Variants in DCLK2 observed in about 807,000 individuals in gnomAD.
The protein encoded by DCLK2 is doublecortin like kinase 2, also known as serine/threonine-protein kinase DCLK2.
DCLK2 carries 31 observed loss-of-function variants against 78.4 expected under a neutral mutation model. The observed-to-expected ratio is 0.40, with a 90% CI of 0.30 to 0.53. DCLK2 has a LOEUF of 0.53. Among genes scored for constraint, DCLK2 ranks in the 20% least tolerant of loss-of-function variants. The pLI is 0.61. For synonymous variants in DCLK2, 407 were observed against 374.9 expected, an observed-to-expected ratio of 1.09 and a Z score of -0.99; for missense variants, 872 against 973.7, an observed-to-expected ratio of 0.90 and a Z score of 1.39.
chr4:150,121,304 T>A (rs1427819596), intron 2 of DCLK2, among the ~76,000 whole-genome samples: 2 of 134,750 alleles, frequency 1.5e-5, no homozygotes, highest in Admixed American at 7.5e-5. Context: ...GTCCTGCTGC[T>A]GCTTTATCAA....
intron 1 of DCLK2, among the ~76,000 whole-genome samples, chr4:150,100,967 TG>T (rs1560772033): frequency 1.3e-5 from 2 of 152,058 alleles, no homozygotes; most frequent in South Asian, 4.2e-4. Flanking sequence ...AAGCCATTCT[TG>T]GGGCCAGGCA....
At chr4:150,247,562 GT>G in intron 12 of DCLK2, 40 bp from the exon 13 acceptor site, 1 of 1,584,094 alleles carries the variant, frequency 6.3e-7, no homozygotes. Flanking sequence ...AAATTCTACG[GT>G]GACTTTGACT....
At chr4:150,144,010 TTCTC>T (rs1734285286) in intron 2 of DCLK2, among the ~76,000 whole-genome samples, 1 of 152,194 alleles carries the variant, frequency 6.6e-6, no homozygotes, top group South Asian at 2.1e-4. Flanking sequence ...ACTCTGTTGA[TTCTC>T]TCTTTTGCTG....
At chr4:150,099,938 G>T (rs181917264) in intron 1 of DCLK2, among the ~76,000 whole-genome samples, 1 of 152,124 alleles carries the variant, frequency 6.6e-6, no homozygotes, top group South Asian at 2.1e-4. Context: ...ATGGGGACAG[G>T]ATCTTGCTCT....
At position 150,082,235 on chromosome 4, in the gene DCLK2, T is replaced by C. The variant is rs192833754; in HGVS notation, c.421+2787T>C. Among the ~76,000 whole-genome samples, 461 of 152,324 alleles carry C rather than the reference T, an allele frequency of 3.0e-3. 4 individuals carry two copies. Among genetic ancestry groups the C allele is most frequent in the African/African-American group, 0.011 (439 of 41,566 alleles). On this transcript the variant is annotated intron_variant, in intron 1 of 15. Transcript: ENST00000296550. The stretch of plus-strand genomic sequence containing the variant: ...TTTCGTTTTGGTTGATTATTTTTAA[T>C]AAAGCTCTCTCAGGTAGTATTTTAC...
In DCLK2 at chr4:150,104,394, T is replaced by TAAAAAAAAAAAAAAAA. The variant is rs34276664; in HGVS notation, c.756+1596_756+1611dup. 1.0e-3 allele frequency among the ~76,000 whole-genome samples: 30 copies of TAAAAAAAAAAAAAAAA among 29,754 alleles called. 5 individuals carry two copies. The highest frequency in any genetic ancestry group is 1.2e-3 in the Non-Finnish European group (22 of 18,198). 19.5% of individuals were successfully genotyped at this position (29,754 alleles called of 152,430 possible). Reference sequence around the variant, plus strand: ...TGGTGACAAAAAAGACCACATCTCCTAAAAAAAAAAAAAAAAAAAAAAAAA... The same window carrying TAAAAAAAAAAAAAAAA: ...TGGTGACAAAAAAGACCACATCTCCTAAAAAAAAAAAAAAAAAAAAAAAAAAAAAAAAAAAAAAAAA... On this transcript the variant is annotated intron_variant, in intron 2 of 15. Transcript: ENST00000296550.
chr4:150,172,607 CAA>C (rs34267089), intron 2 of DCLK2, among the ~76,000 whole-genome samples: 1,062 of 70,142 alleles, frequency 0.015, 4 homozygotes, highest in South Asian at 0.02. Context: ...GACTCCGTCT[CAA>C]AAAAAAAAAA....
chr4:150,238,828 G>C (rs897916666), intron 10 of DCLK2, among the ~76,000 whole-genome samples: 2 of 152,122 alleles, frequency 1.3e-5, no homozygotes, highest in Non-Finnish European at 2.9e-5. Context: ...GTGTGGACTT[G>C]TTATGGAAGT....
chr4:150,230,710 C>CT (rs1318577035), intron 8 of DCLK2, among the ~76,000 whole-genome samples: 1 of 152,158 alleles, frequency 6.6e-6, no homozygotes, highest in African/African-American at 2.4e-5. Context: ...AGTCTTTTGT[C>CT]TTTGCAACCA....
chr4:150,247,966 T>G (rs1391756872), intron 13 of DCLK2, among the ~76,000 whole-genome samples: 1 of 152,214 alleles, frequency 6.6e-6, no homozygotes, highest in South Asian at 2.1e-4. Flanking sequence ...TCAAGAAATA[T>G]GTATTGGGCA....
intron 8 of DCLK2, 112 bp from the exon 9 acceptor site, chr4:150,232,225 G>A: frequency 7.5e-7 from 1 of 1,338,090 alleles, no homozygotes; most frequent in Non-Finnish European, 1.0e-6. Flanking sequence ...CAAGAGCAAT[G>A]CTTTCTTTGG....
Position 150,176,089 on chromosome 4 carries a change from G to A in DCLK2, c.757-17049G>A, listed in dbSNP as rs184200156. 1.8e-4 allele frequency among the ~76,000 whole-genome samples: 27 copies of A among 152,276 alleles called. 1 individual carries two copies. In the East Asian group the frequency reaches 4.4e-3, roughly 25 times the overall value. On this transcript the variant is annotated intron_variant, in intron 2 of 15. Coordinates refer to ENST00000296550, the MANE Select transcript of DCLK2 (RefSeq NM_001040260.4). ...TACGTTTGGGATCCCACTAATGTTC[G>A]AATCCTTGCTTCTGTGCTGTCATGC...
At chr4:150,124,607 C>T (rs183206958) in intron 2 of DCLK2, among the ~76,000 whole-genome samples, 1 of 152,248 alleles carries the variant, frequency 6.6e-6, no homozygotes, top group African/African-American at 2.4e-5. Flanking sequence ...AATATTATGG[C>T]TGTCACATGC....
intron 10 of DCLK2, among the ~76,000 whole-genome samples, chr4:150,234,403 G>A (rs1482115539): frequency 6.6e-6 from 1 of 152,134 alleles, no homozygotes; most frequent in South Asian, 2.1e-4. Flanking sequence ...ATGGTGACAC[G>A]TAAACACATA....
Position 150,190,798 on chromosome 4 carries a change from G to A in DCLK2, c.757-2340G>A, listed in dbSNP as rs184833913. 2.7e-3 allele frequency among the ~76,000 whole-genome samples: 406 copies of A among 152,098 alleles called. 3 individuals carry two copies. Among genetic ancestry groups the A allele is most frequent in the African/African-American group, 9.1e-3 (377 of 41,480 alleles). ...TAACTGGGTGAATTGTGTGGTCTGC[G>A]AATTACAGCTCAATAAACGCTTTTA... On this transcript the variant is annotated intron_variant, in intron 2 of 15. Coordinates refer to ENST00000296550, the MANE Select transcript of DCLK2 (RefSeq NM_001040260.4).
At chr4:150,240,586 G>A in intron 12 of DCLK2, 110 bp downstream of exon 12, 1 of 290,308 alleles carries the variant, frequency 3.4e-6, no homozygotes. Flanking sequence ...AAAAATGCCA[G>A]TTAAAAATTA....
intron 2 of DCLK2, among the ~76,000 whole-genome samples, chr4:150,118,603 A>G (rs1052436141): frequency 4.0e-5 from 6 of 150,628 alleles, no homozygotes; most frequent in African/African-American, 1.2e-4. Flanking sequence ...GTACATTTGC[A>G]TTAGAAAAAT....
At chr4:150,203,984 G>T in intron 5 of DCLK2, 95 bp downstream of exon 5, 1 of 1,158,816 alleles carries the variant, frequency 8.6e-7, no homozygotes, top group South Asian at 1.4e-5. Context: ...GAGTACAGTA[G>T]CAAATTAAAA....
At chr4:150,087,960 G>A (rs1030746297) in intron 1 of DCLK2, among the ~76,000 whole-genome samples, 1 of 152,180 alleles carries the variant, frequency 6.6e-6, no homozygotes, top group African/African-American at 2.4e-5. Flanking sequence ...CTTTGGAGGT[G>A]AATGGGACTA....
Sources: gnomAD v4.1 joint callset for allele counts (sites outside exome capture counted in the v4.1 genomes callset) on GRCh38, gnomAD v4.1.1 for gene constraint, MANE v1.5 for transcripts, NCBI Gene and HGNC (gene_info 2026-07-23, HGNC 2026-07-21) for gene names.